The following ATP1B3 variants were observed in gnomAD, a reference collection of about 807,000 sequenced individuals.
The protein encoded by ATP1B3 is sodium/potassium-transporting ATPase subunit beta-3.
Under a neutral mutation model 30.2 loss-of-function variants are expected in ATP1B3, and 10 were observed. The ratio of observed to expected loss-of-function variants is 0.33; its 90% confidence interval spans 0.20 to 0.56. ATP1B3 has a LOEUF of 0.56. Ranked by LOEUF, ATP1B3 falls within the 20% of genes least tolerant of loss-of-function variation. The pLI, the probability that ATP1B3 is intolerant of heterozygous loss-of-function variation, is 0.90. For missense variants in ATP1B3, 238 were observed against 336.7 expected, an observed-to-expected ratio of 0.71 and a Z score of 2.29; for synonymous variants, 113 against 117.0, an observed-to-expected ratio of 0.97 and a Z score of 0.22.
At chr3:141,892,651 CAAAAAAAAAAA>C (rs386398103) in intron 1 of ATP1B3, among the ~76,000 whole-genome samples, 13 of 70,024 alleles carry the variant, frequency 1.9e-4, no homozygotes, top group Admixed American at 1.9e-4. Context: ...GAGACTGTCT[CAAAAAAAAAAA>C]AAAAAAAAAA....
intron 3 of ATP1B3, among the ~76,000 whole-genome samples, chr3:141,911,990 C>T (rs16851963): frequency 6.6e-6 from 1 of 152,092 alleles, no homozygotes. Context: ...TGACCTATAC[C>T]AACAGAGTCT....
intron 1 of ATP1B3, among the ~76,000 whole-genome samples, chr3:141,896,842 G>T (rs1358037751): frequency 6.6e-6 from 1 of 152,062 alleles, no homozygotes; most frequent in Non-Finnish European, 1.5e-5. Context: ...TGCTGTCTTT[G>T]TTGAGTTTGG....
At chr3:141,922,859 G>T (rs1194714695) in intron 6 of ATP1B3, among the ~76,000 whole-genome samples, 1 of 152,086 alleles carries the variant, frequency 6.6e-6, no homozygotes, top group African/African-American at 2.4e-5. Flanking sequence ...CCAGCTGCTC[G>T]AGAGGGTGAG....
intron 1 of ATP1B3, among the ~76,000 whole-genome samples, chr3:141,884,164 A>G (rs1212892947): frequency 1.3e-5 from 2 of 152,140 alleles, no homozygotes; most frequent in Admixed American, 1.3e-4. Flanking sequence ...ATTTTTTTTA[A>G]CATAATAACC....
chr3:141,877,848 C>G (rs993472885), intron 1 of ATP1B3, among the ~76,000 whole-genome samples: 1 of 132,422 alleles, frequency 7.6e-6, no homozygotes, highest in Non-Finnish European at 1.6e-5. Flanking sequence ...TTTTTTTTGC[C>G]TTTATACTTA....
intron 1 of ATP1B3, among the ~76,000 whole-genome samples, chr3:141,892,636 A>G (rs1933976281): frequency 7.6e-6 from 1 of 131,480 alleles, no homozygotes. Context: ...AGCCTGGGTG[A>G]CAGTGAGACT....
chr3:141,878,311 T>C (rs1396138150), intron 1 of ATP1B3, among the ~76,000 whole-genome samples: 1 of 152,238 alleles, frequency 6.6e-6, no homozygotes, highest in Non-Finnish European at 1.5e-5. Context: ...AATTGCTGTT[T>C]TCTTTTGGGA....
At chr3:141,895,638 C>T (rs371669360) in intron 1 of ATP1B3, among the ~76,000 whole-genome samples, 100 of 152,186 alleles carry the variant, frequency 6.6e-4, no homozygotes, top group African/African-American at 2.4e-3. Flanking sequence ...TTGCAGTTTT[C>T]AGTGATTATA....
chr3:141,896,036 C>G lies in ATP1B3; in HGVS notation c.110-7584C>G, dbSNP rs79287790. On this transcript the variant is annotated intron_variant, in intron 1 of 6. Coordinates refer to ENST00000286371, the MANE Select transcript of ATP1B3 (RefSeq NM_001679.4). Reference sequence around the variant, plus strand: ...CTTACATCTTGGTGAAGTTTCGGTTCAGATCTTTTGCCTGCTTCAAAAAAT... The same window carrying G: ...CTTACATCTTGGTGAAGTTTCGGTTGAGATCTTTTGCCTGCTTCAAAAAAT... Among the ~76,000 whole-genome samples the G allele has an allele frequency of 3.2e-3, 485 of 152,206 alleles. 3 individuals carry two copies. The highest frequency in any genetic ancestry group is 0.03 in the East Asian group (153 of 5,182).
intron 1 of ATP1B3, among the ~76,000 whole-genome samples, chr3:141,885,922 CA>C (rs1559864966): frequency 1.2e-4 from 18 of 149,854 alleles, no homozygotes; most frequent in Admixed American, 4.0e-4. Flanking sequence ...CACACACACA[CA>C]CCCCTGTAGT....
chr3:141,922,999 C>T (rs530973991), intron 6 of ATP1B3, among the ~76,000 whole-genome samples: 163 of 149,682 alleles, frequency 1.1e-3, no homozygotes, highest in African/African-American at 3.5e-3. Context: ...TCATTGCGGC[C>T]GGGTGTGGTG....
intron 1 of ATP1B3, chr3:141,902,231 A>AT: frequency 2.8e-5 from 36 of 1,280,706 alleles, no homozygotes; most frequent in Non-Finnish European, 3.7e-5. Flanking sequence ...CCACCTGGTA[A>AT]TTGGGGGGGA....
intron 5 of ATP1B3, among the ~76,000 whole-genome samples, chr3:141,919,689 A>G (rs1304323698): frequency 2.0e-5 from 3 of 152,198 alleles, no homozygotes; most frequent in Non-Finnish European, 2.9e-5. Flanking sequence ...CTGTAATTCC[A>G]GCACTTTGGG....
At chr3:141,923,006 G>A (rs905691203) in intron 6 of ATP1B3, among the ~76,000 whole-genome samples, 1 of 151,172 alleles carries the variant, frequency 6.6e-6, no homozygotes, top group African/African-American at 2.4e-5. Flanking sequence ...GGCCGGGTGT[G>A]GTGGCTCACG....
At chr3:141,895,567 A>G (rs1318607808) in intron 1 of ATP1B3, among the ~76,000 whole-genome samples, 2 of 152,114 alleles carry the variant, frequency 1.3e-5, no homozygotes, top group Non-Finnish European at 2.9e-5. Flanking sequence ...GCTGAATAGT[A>G]TTGCATTGTA....
intron 3 of ATP1B3, among the ~76,000 whole-genome samples, chr3:141,913,256 C>G (rs1934396432): frequency 6.6e-6 from 1 of 150,440 alleles, no homozygotes; most frequent in Admixed American, 6.7e-5. Context: ...CTCTGCAATT[C>G]TGATTTTATA....
At chr3:141,910,819 A>C (rs1480189390) in intron 3 of ATP1B3, among the ~76,000 whole-genome samples, 1 of 126,746 alleles carries the variant, frequency 7.9e-6, no homozygotes, top group African/African-American at 3.1e-5. Context: ...CTCTTAATTT[A>C]CTCCTTAGTT....
chr3:141,882,040 CT>C (rs888434881), intron 1 of ATP1B3, among the ~76,000 whole-genome samples: 9 of 152,232 alleles, frequency 5.9e-5, no homozygotes, highest in South Asian at 2.1e-4. Context: ...CTCCCCACCC[CT>C]GATGTAATTC....
chr3:141,918,796 A>G (rs1256671596), intron 5 of ATP1B3: 2 of 152,154 alleles, frequency 1.3e-5, no homozygotes, highest in Non-Finnish European at 2.9e-5. Context: ...CTTTGCTTCT[A>G]GAATAGTTGG....
Sources: allele counts gnomAD v4.1 joint callset (sites outside exome capture counted in the v4.1 genomes callset), GRCh38; gene constraint gnomAD v4.1.1; transcripts MANE v1.5; gene names NCBI Gene and HGNC (gene_info 2026-07-23, HGNC 2026-07-21).